ABCD3: variants seen among roughly 807,000 people sequenced by gnomAD.
ABCD3 encodes the protein ATP-binding cassette sub-family D member 3.
A neutral mutation model predicts 105.5 loss-of-function variants in ABCD3; 41 were observed. That is an observed-to-expected ratio of 0.39 (90% CI 0.30 to 0.50). The LOEUF (loss-of-function observed/expected upper bound fraction) is 0.50, where lower values mean the gene tolerates loss of function less well. Among genes scored for constraint, ABCD3 ranks in the 20% least tolerant of loss-of-function variants. The probability of loss-of-function intolerance (pLI) is 0.84; values close to 1 mark genes in which losing one functional copy is unlikely to be tolerated. For missense variants in ABCD3, 622 were observed against 806.3 expected, an observed-to-expected ratio of 0.77 and a Z score of 2.77; for synonymous variants, 258 against 269.0, an observed-to-expected ratio of 0.96 and a Z score of 0.40.
At chr1:94,458,877 C>G (rs950101007) in intron 2 of ABCD3, among the ~76,000 whole-genome samples, 34 of 150,902 alleles carry the variant, frequency 2.3e-4, no homozygotes, top group African/African-American at 7.1e-4. Context: ...AGTTTCCCCC[C>G]CTCTTCTAGC....
intron 16 of ABCD3, among the ~76,000 whole-genome samples, chr1:94,492,916 C>T (rs1451144443): frequency 6.6e-6 from 1 of 152,090 alleles, no homozygotes; most frequent in Non-Finnish European, 1.5e-5. Context: ...AAAGCCTTTT[C>T]TTTTAAAGCC....
chr1:94,475,533 G>A, intron 6 of ABCD3, 81 bp from the exon 7 acceptor site: 1 of 1,419,948 alleles, frequency 7.0e-7, no homozygotes, highest in Admixed American at 1.7e-5. Context: ...TTTGAGCTAG[G>A]TGGTGTAATA....
At position 94,448,983 on chromosome 1, in the gene ABCD3, G is replaced by GGCTGATAGAT. The variant is rs563225760; in HGVS notation, c.111-9619_111-9618insTAGATGCTGA. Among the ~76,000 whole-genome samples, 1,382 of 152,212 alleles carry GGCTGATAGAT rather than the reference G, an allele frequency of 9.1e-3. 19 individuals are homozygous for GGCTGATAGAT. The highest frequency in any genetic ancestry group is 0.032 in the African/African-American group (1,310 of 41,524). On this transcript the variant is annotated intron_variant, in intron 1 of 22. Coordinates refer to ENST00000370214, the MANE Select transcript of ABCD3 (RefSeq NM_002858.4). Reference sequence around the variant, plus strand: ...TGCCTAAAGGCTAGATGCTATCAGCGGCTGAACAGCATCTACAGAAACCAG... The same window carrying GGCTGATAGAT: ...TGCCTAAAGGCTAGATGCTATCAGCGGCTGATAGATGCTGAACAGCATCTACAGAAACCAG...
chr1:94,466,420 A>T (rs1395561030), intron 3 of ABCD3, among the ~76,000 whole-genome samples: 2 of 152,084 alleles, frequency 1.3e-5, no homozygotes, highest in Non-Finnish European at 2.9e-5. Flanking sequence ...ATTCTTTCTT[A>T]AAATCCTAAT....
In ABCD3 at chr1:94,475,702, AAC is replaced by A; in HGVS notation, c.594_595del (p.Asn198LysfsTer10). 6.2e-7 allele frequency: 1 copy of A among 1,607,518 alleles called. No individual in the cohort carries two copies. Among genetic ancestry groups the A allele is most frequent in the South Asian group, 1.1e-5 (1 of 90,916 alleles). The part of the protein sequence containing the change: ...LLTQDVEKFC[N>X]SVVDLYSNLS... ...TACACAAGATGTAGAAAAATTTTGT[AAC>A]AGTGTAGTCGATCTGTATTCAAATC... On this transcript the variant is annotated frameshift_variant, in exon 7 of 23. Transcript: ENST00000370214. LOFTEE classifies it high-confidence loss of function.
At chr1:94,496,700 T>G (rs986953004) in intron 16 of ABCD3, among the ~76,000 whole-genome samples, 33 of 132,486 alleles carry the variant, frequency 2.5e-4, no homozygotes, top group African/African-American at 5.3e-4. Context: ...TTCTGTTTTT[T>G]TTTTTTTTTT....
the ABCD3 span, among the ~76,000 whole-genome samples, chr1:94,394,025 T>C: frequency 1.3e-5 from 2 of 152,328 alleles, no homozygotes; most frequent in African/African-American, 4.8e-5. Context: ...AAAGAGTTCT[T>C]TTCTTTGTGA....
chr1:94,464,784 A>G lies in ABCD3; in HGVS notation c.157A>G (p.Lys53Glu), dbSNP rs200013693. 27 of 1,612,668 alleles carry G rather than the reference A, an allele frequency of 1.7e-5. No individual in the cohort carries two copies. The highest frequency in any genetic ancestry group is 1.7e-4 in the Middle Eastern group (1 of 6,058). The change falls in exon 3 of 23, where the codon AAA becomes GAA. Residue 53 changes from lysine (K) to glutamate (E), a missense_variant. Coordinates refer to ENST00000370214, the MANE Select transcript of ABCD3 (RefSeq NM_002858.4). ...PPLQNNEKEGKKERAVVDKVF... is the reference protein window; with the variant it reads ...PPLQNNEKEGEKERAVVDKVF... ...CTTTTTTTTAATGCAGAAAGAGGGG[A>G]AAAAGGAGCGAGCTGTGGTGGACAA...
At chr1:94,447,888 C>T (rs990288637) in intron 1 of ABCD3, among the ~76,000 whole-genome samples, 9 of 152,200 alleles carry the variant, frequency 5.9e-5, no homozygotes, top group African/African-American at 1.9e-4. Context: ...TAATTGGATA[C>T]GACCTGCTCT....
At chr1:94,496,124 A>G (rs1021554725) in intron 16 of ABCD3, among the ~76,000 whole-genome samples, 16 of 152,196 alleles carry the variant, frequency 1.1e-4, no homozygotes, top group Admixed American at 9.2e-4. Flanking sequence ...AACCATTTCT[A>G]AGTGTATAAT....
intron 2 of ABCD3, among the ~76,000 whole-genome samples, chr1:94,463,683 C>T (rs138216913): frequency 5.9e-5 from 9 of 152,226 alleles, no homozygotes; most frequent in East Asian, 3.9e-4. Flanking sequence ...AGTCTCGTCA[C>T]GTGTTTCCTT....
chr1:94,467,203 T>C (rs997195353), intron 3 of ABCD3, among the ~76,000 whole-genome samples: 3 of 152,116 alleles, frequency 2.0e-5, no homozygotes, highest in East Asian at 3.8e-4. Flanking sequence ...TTTTAATCCC[T>C]TTTTTCCCCC....
the ABCD3 span, among the ~76,000 whole-genome samples, chr1:94,404,492 T>C: frequency 7.0e-4 from 107 of 152,296 alleles, no homozygotes; most frequent in Non-Finnish European, 1.3e-3. Context: ...TCATTTGTTG[T>C]GGTTTGCTTT....
At chr1:94,506,754 C>A in intron 21 of ABCD3, 112 bp downstream of exon 21, 1 of 700,002 alleles carries the variant, frequency 1.4e-6, no homozygotes, top group Non-Finnish European at 2.5e-6. Flanking sequence ...AAATTTCTAC[C>A]AAAAGATTTC....
the ABCD3 span, among the ~76,000 whole-genome samples, chr1:94,387,757 G>T: frequency 6.6e-6 from 1 of 152,170 alleles, no homozygotes; most frequent in African/African-American, 2.4e-5. Flanking sequence ...CTCTGAGTGC[G>T]ACAAGGGTCT....
chr1:94,408,455 G>A, the ABCD3 span, among the ~76,000 whole-genome samples: 6 of 151,796 alleles, frequency 4.0e-5, no homozygotes, highest in Non-Finnish European at 8.8e-5. Context: ...TTAGCTGGGC[G>A]TAGTGGCGGG....
intron 1 of ABCD3, among the ~76,000 whole-genome samples, chr1:94,437,150 A>G (rs528719414): frequency 2.6e-4 from 40 of 152,358 alleles, no homozygotes; most frequent in Admixed American, 2.4e-3. Context: ...AGCTACAGCA[A>G]GTTATCCAGA....
At chr1:94,437,869 A>T (rs967913013) in intron 1 of ABCD3, among the ~76,000 whole-genome samples, 2 of 152,158 alleles carry the variant, frequency 1.3e-5, no homozygotes, top group African/African-American at 4.8e-5. Context: ...AGTTATTCCA[A>T]CCCTCATGGA....
At chr1:94,457,326 C>G (rs1647625111) in intron 1 of ABCD3, among the ~76,000 whole-genome samples, 1 of 152,028 alleles carries the variant, frequency 6.6e-6, no homozygotes, top group South Asian at 2.1e-4. Flanking sequence ...TAATAATAAT[C>G]TACGTGCTTT....
Sources: allele counts gnomAD v4.1 joint callset (sites outside exome capture counted in the v4.1 genomes callset), GRCh38; gene constraint gnomAD v4.1.1; transcripts MANE v1.5; gene names NCBI Gene and HGNC (gene_info 2026-07-23, HGNC 2026-07-21).